BICC1: variants seen among roughly 807,000 people sequenced by gnomAD.
BICC1 encodes the protein protein bicaudal C homolog 1.
A neutral mutation model predicts 111.0 loss-of-function variants in BICC1; 43 were observed. That is an observed-to-expected ratio of 0.39 (90% CI 0.30 to 0.50). The LOEUF (loss-of-function observed/expected upper bound fraction) is 0.50, where lower values mean the gene tolerates loss of function less well. Among genes scored for constraint, BICC1 ranks in the 20% least tolerant of loss-of-function variants. The probability of loss-of-function intolerance (pLI) is 0.88; values close to 1 mark genes in which losing one functional copy is unlikely to be tolerated. For missense variants in BICC1, 1,091 were observed against 1,203.2 expected (o/e 0.91, Z 1.38); for synonymous variants, 467 against 434.4 (o/e 1.07, Z -0.93).
At chr10:58,522,159 G>A (rs948559383) in intron 1 of BICC1, among the ~76,000 whole-genome samples, 25 of 151,560 alleles carry the variant, frequency 1.6e-4, no homozygotes, top group African/African-American at 4.6e-4. Flanking sequence ...ATATTCTTGC[G>A]GAGGGCAATA....
At chr10:58,633,995 C>CTT (rs5785333) in intron 2 of BICC1, among the ~76,000 whole-genome samples, 1 of 99,952 alleles carries the variant, frequency 1.0e-5, no homozygotes, top group African/African-American at 3.8e-5. Flanking sequence ...TTTTTCTTTT[C>CTT]TTTTTTTTTT....
At chr10:58,549,626 T>C (rs1843237927) in intron 1 of BICC1, among the ~76,000 whole-genome samples, 2 of 152,084 alleles carry the variant, frequency 1.3e-5, no homozygotes, top group Non-Finnish European at 2.9e-5. Context: ...ATTTTTTTTT[T>C]TTGGCCCTTT....
chr10:58,645,647 C>T (rs1003292201), intron 2 of BICC1, among the ~76,000 whole-genome samples: 17 of 152,068 alleles, frequency 1.1e-4, no homozygotes, highest in Admixed American at 7.9e-4. Flanking sequence ...TATTTGAACT[C>T]GAAATACAGA....
Position 58,717,062 on chromosome 10 carries a change from G to T in BICC1, c.307+14919G>T, listed in dbSNP as rs557578538. On this transcript the variant is annotated intron_variant, in intron 3 of 20. Coordinates refer to ENST00000373886, the MANE Select transcript of BICC1 (RefSeq NM_001080512.3). ...TATTTTTTAGCATTAGAATGTGTTA[G>T]GTCATTTGAATTAATTTTTACTACA... 5.4e-4 allele frequency among the ~76,000 whole-genome samples: 82 copies of T among 152,214 alleles called. 1 individual carries two copies. The highest frequency in any genetic ancestry group is 1.8e-3 in the African/African-American group (74 of 41,530).
chr10:58,661,141 G>C (rs1014345713), intron 2 of BICC1, among the ~76,000 whole-genome samples: 1 of 151,934 alleles, frequency 6.6e-6, no homozygotes, highest in South Asian at 2.1e-4. Context: ...GATGCTGTCA[G>C]GTTTTTTAAG....
chr10:58,650,031 A>C (rs888904894), intron 2 of BICC1: 3 of 152,302 alleles, frequency 2.0e-5, no homozygotes, highest in African/African-American at 4.8e-5. Flanking sequence ...TAATGAAACA[A>C]CATTTCATGA....
chr10:58,702,199 A>G, intron 3 of BICC1, 56 bp downstream of exon 3: 1 of 1,411,642 alleles, frequency 7.1e-7, no homozygotes. Flanking sequence ...TTATGGAATT[A>G]CTGCAGGTTT....
At chr10:58,648,532 G>A (rs1372155736) in intron 2 of BICC1, 2 of 985,196 alleles carry the variant, frequency 2.0e-6, no homozygotes, top group African/African-American at 3.5e-5. Context: ...CTATAAATAT[G>A]TCTGTTGCTT....
At chr10:58,586,203 TCATCCATC>T (rs545267865) in intron 1 of BICC1, among the ~76,000 whole-genome samples, 7 of 152,136 alleles carry the variant, frequency 4.6e-5, no homozygotes, top group Non-Finnish European at 1.0e-4. Flanking sequence ...ACCCATTTAT[TCATCCATC>T]CATCCATCCA....
At position 58,820,371 on chromosome 10, in the gene BICC1, C is replaced by T. The variant is rs538054750; in HGVS notation, c.2697C>T (p.Ile899=). ...KYTDVFQQQE[I]DLQTFLTLTD... ...TAGATTGACCTTTCTACCCACAGATCGATCTTCAGACATTCCTCACTCTCA... is the reference window on the plus strand; with the variant it reads ...TAGATTGACCTTTCTACCCACAGATTGATCTTCAGACATTCCTCACTCTCA... Residue 899 remains isoleucine (I), a splice_region_variant and synonymous_variant, in exon 20 of 21, where the codon ATC becomes ATT. Transcript: ENST00000373886. 1.9e-5 allele frequency: 30 copies of T among 1,607,714 alleles called. No individual in the cohort carries two copies. The highest frequency in any genetic ancestry group is 2.4e-5 in the Non-Finnish European group (28 of 1,174,924).
chr10:58,586,049 A>G (rs1248584131), intron 1 of BICC1, among the ~76,000 whole-genome samples: 4 of 152,154 alleles, frequency 2.6e-5, no homozygotes, highest in East Asian at 1.9e-4. Context: ...ATTATTTACA[A>G]TTTTCTACAC....
intron 1 of BICC1, among the ~76,000 whole-genome samples, chr10:58,536,205 GA>G (rs1253816039): frequency 6.6e-6 from 1 of 151,382 alleles, no homozygotes; most frequent in Non-Finnish European, 1.5e-5. Context: ...CTGGACTCTA[GA>G]ACAAACTGAC....
intron 2 of BICC1, among the ~76,000 whole-genome samples, chr10:58,686,576 C>T (rs1312146801): frequency 6.6e-6 from 1 of 152,056 alleles, no homozygotes. Context: ...TCTTTTTACT[C>T]TTTTTTTCTA....
chr10:58,664,856 T>C (rs1034056866), intron 2 of BICC1, among the ~76,000 whole-genome samples: 1 of 152,124 alleles, frequency 6.6e-6, no homozygotes, highest in African/African-American at 2.4e-5. Flanking sequence ...GTAGTCAGTA[T>C]TGTCAGCAGT....
chr10:58,685,372 G>A lies in BICC1; in HGVS notation c.238-16702G>A, dbSNP rs546126381. ...ATTGGGGGTGGAGAGCTCTGTAGAT[G>A]TCTATTAGGTCCGCTTGGTGCAGAG... On this transcript the variant is annotated intron_variant, in intron 2 of 20. Transcript: ENST00000373886. 5.3e-5 allele frequency among the ~76,000 whole-genome samples: 8 copies of A among 152,348 alleles called. No homozygotes were observed. The South Asian group carries it at 1.0e-3, about 20-fold the overall frequency.
chr10:58,652,376 C>T (rs1210387247), intron 2 of BICC1, among the ~76,000 whole-genome samples: 1 of 152,106 alleles, frequency 6.6e-6, no homozygotes, highest in African/African-American at 2.4e-5. Context: ...GGCACAGTGT[C>T]TGGGGCTCTA....
At chr10:58,599,929 GGTGT>G (rs59937252) in intron 1 of BICC1, among the ~76,000 whole-genome samples, 6 of 149,778 alleles carry the variant, frequency 4.0e-5, no homozygotes, top group South Asian at 2.1e-4. Context: ...AACTAAAGAG[GGTGT>G]GTGTGTGTGT....
intron 3 of BICC1, among the ~76,000 whole-genome samples, chr10:58,711,037 G>A (rs1840557153): frequency 6.6e-6 from 1 of 151,998 alleles, no homozygotes; most frequent in African/African-American, 2.4e-5. Flanking sequence ...TTGTGGAGTT[G>A]GGGTCTCGCT....
chr10:58,572,542 G>C (rs935568596), intron 1 of BICC1, among the ~76,000 whole-genome samples: 1 of 151,834 alleles, frequency 6.6e-6, no homozygotes, highest in African/African-American at 2.4e-5. Flanking sequence ...ATTTTCATGG[G>C]GATTTCATTT....
Sources: allele counts gnomAD v4.1 joint callset (sites outside exome capture counted in the v4.1 genomes callset), GRCh38; gene constraint gnomAD v4.1.1; transcripts MANE v1.5; gene names NCBI Gene and HGNC (gene_info 2026-07-23, HGNC 2026-07-21).